NEK10: variants seen among roughly 807,000 people sequenced by gnomAD.
NEK10 encodes NIMA related kinase 10.
A neutral mutation model predicts 159.8 loss-of-function variants in NEK10; 122 were observed. That is an observed-to-expected ratio of 0.76 (90% CI 0.66 to 0.89). The LOEUF (loss-of-function observed/expected upper bound fraction) is 0.89. Among genes scored for constraint, NEK10 ranks in the 40% least tolerant of loss-of-function variants. The probability of loss-of-function intolerance (pLI) is 0.00; values close to 1 mark genes in which losing one functional copy is unlikely to be tolerated. For synonymous variants in NEK10, 466 were observed against 457.1 expected, an observed-to-expected ratio of 1.02 and a Z score of -0.25; for missense variants, 1,342 against 1,323.1, an observed-to-expected ratio of 1.01 and a Z score of -0.22.
At position 27,312,375 on chromosome 3, in the gene NEK10, G is replaced by A. The variant is rs181849768; in HGVS notation, c.490-198C>T. On this transcript the variant is annotated intron_variant, in intron 7 of 35. Transcript: ENST00000691995. ...TTCTAGATTCTTTGGCTTCTCTTGC[G>A]TGCTATGAAGTTGAGGGAAAGACCA... 5.3e-5 allele frequency among the ~76,000 whole-genome samples: 8 copies of A among 152,216 alleles called. No individual in the cohort carries two copies. The South Asian group carries it at 6.2e-4, about 12-fold the overall frequency.
At chr3:27,262,137 T>C (rs1467737409) in intron 22 of NEK10, among the ~76,000 whole-genome samples, 1 of 149,628 alleles carries the variant, frequency 6.7e-6, no homozygotes, top group Non-Finnish European at 1.5e-5. Context: ...AATTCTTTTC[T>C]TTAAGAATGT....
At chr3:27,182,916 G>A (rs1948260694) in intron 26 of NEK10, among the ~76,000 whole-genome samples, 1 of 152,172 alleles carries the variant, frequency 6.6e-6, no homozygotes, top group South Asian at 2.1e-4. Context: ...ATGGTTACCA[G>A]AGGCTGGGAA....
chr3:27,182,624 G>T (rs1948235479), intron 26 of NEK10, among the ~76,000 whole-genome samples: 1 of 152,026 alleles, frequency 6.6e-6, no homozygotes, highest in Admixed American at 6.6e-5. Context: ...AAATAAGTAT[G>T]TTGAAGAGAT....
intron 23 of NEK10, among the ~76,000 whole-genome samples, chr3:27,246,260 T>C (rs35903173): frequency 0.13 from 19,976 of 152,102 alleles, 1,533 homozygotes; most frequent in Non-Finnish European, 0.18. Flanking sequence ...CATCTGCAGG[T>C]TTGTTATATA....
intron 13 of NEK10, among the ~76,000 whole-genome samples, chr3:27,301,323 G>C (rs1227056649): frequency 2.6e-5 from 4 of 152,170 alleles, no homozygotes; most frequent in African/African-American, 9.7e-5. Context: ...TGTGTGCACT[G>C]TAGATTCCCC....
chr3:27,260,432 G>T (rs539851302), intron 22 of NEK10, among the ~76,000 whole-genome samples: 1 of 152,120 alleles, frequency 6.6e-6, no homozygotes, highest in Admixed American at 6.6e-5. Flanking sequence ...AGCATGAAGC[G>T]TTGTTGAATT....
chr3:27,259,762 A>T (rs2040231674), intron 22 of NEK10, among the ~76,000 whole-genome samples: 1 of 152,180 alleles, frequency 6.6e-6, no homozygotes, highest in African/African-American at 2.4e-5. Context: ...GAAGAAAATC[A>T]TTGGTAGCTT....
intron 1 of NEK10, among the ~76,000 whole-genome samples, chr3:27,355,763 G>A (rs562373539): frequency 9.5e-4 from 145 of 152,058 alleles, no homozygotes; most frequent in Non-Finnish European, 1.7e-3. Context: ...ACCTTCCTGT[G>A]GCCTTCTATT....
chr3:27,115,390 C>T (rs959378940), intron 35 of NEK10, among the ~76,000 whole-genome samples: 1 of 152,126 alleles, frequency 6.6e-6, no homozygotes. Flanking sequence ...TCTTAGAACA[C>T]CAACGATAGC....
chr3:27,283,444 A>G (rs1301444340), intron 22 of NEK10, among the ~76,000 whole-genome samples: 1 of 152,126 alleles, frequency 6.6e-6, no homozygotes, highest in African/African-American at 2.4e-5. Context: ...ATATATATGT[A>G]TAGAATTTAT....
chr3:27,111,172 C>T lies in NEK10; in HGVS notation c.*100G>A, dbSNP rs1939480502. ...CATGGCATCTTGGTCTTTTCCACAC[C>T]CTCTAGCAGCACCCAATCCTTGGGC... On this transcript the variant is annotated 3_prime_UTR_variant, in exon 36 of 36. Coordinates refer to ENST00000691995, the MANE Select transcript of NEK10 (RefSeq NM_001394966.1). The T allele has an allele frequency of 2.7e-5, 31 of 1,157,016 alleles. No homozygotes were observed. The highest frequency in any genetic ancestry group is 9.7e-5 in the South Asian group (7 of 72,256). 71.7% of individuals were successfully genotyped at this position (1,157,016 alleles called of 1,614,324 possible). A position where few individuals can be genotyped will look rare whatever the true frequency, so the allele number is the denominator to read the frequency against.
intron 5 of NEK10, 140 bp downstream of exon 5, chr3:27,344,132 G>A: frequency 3.8e-6 from 2 of 523,168 alleles, no homozygotes; most frequent in South Asian, 6.5e-5. Context: ...GAGATCATCT[G>A]TAATGCCTAC....
chr3:27,154,152 C>T (rs1945167055), intron 30 of NEK10, among the ~76,000 whole-genome samples: 2 of 152,118 alleles, frequency 1.3e-5, no homozygotes, highest in African/African-American at 4.8e-5. Flanking sequence ...TACAAAACAT[C>T]ATTCAGGTAA....
intron 9 of NEK10, 182 bp from the exon 10 acceptor site, chr3:27,309,187 C>T (rs563465023): frequency 2.6e-6 from 1 of 380,178 alleles, no homozygotes; most frequent in African/African-American, 2.2e-5. Context: ...TGTGCATATA[C>T]AATTAAGCAC....
chr3:27,271,102 G>A (rs1310415400), intron 22 of NEK10, among the ~76,000 whole-genome samples: 1 of 151,786 alleles, frequency 6.6e-6, no homozygotes, highest in Non-Finnish European at 1.5e-5. Flanking sequence ...ACATATATAG[G>A]CATAACTATA....
At chr3:27,314,893 A>T (rs1291162082) in intron 6 of NEK10, among the ~76,000 whole-genome samples, 7 of 152,238 alleles carry the variant, frequency 4.6e-5, no homozygotes, top group Non-Finnish European at 1.5e-5. Flanking sequence ...TCTCCAGGTC[A>T]TACGTACGTA....
rs1454336987 is a variant in NEK10, at chr3:27,304,763, G to C, written c.1012C>G (p.Leu338Val). The change falls in exon 12 of 36, where the codon CTT becomes GTT. Residue 338 changes from leucine to valine, a missense_variant. Coordinates refer to ENST00000691995, the MANE Select transcript of NEK10 (RefSeq NM_001394966.1). ...TTTACTCACCCTTGTAAAATATGAA[G>C]AAGCTGTTTGATGCCTCCCCAAATG... ...IRIWGGIKQL[L>V]HILQGDRNFV... The C allele has an allele frequency of 6.2e-7, 1 of 1,612,230 alleles. No individual in the cohort carries two copies. The highest frequency in any genetic ancestry group is 1.3e-5 in the African/African-American group (1 of 75,016).
In NEK10 at chr3:27,174,852, T is replaced by G. The variant is rs1559553793; in HGVS notation, c.2506-19A>C. 1.9e-6 allele frequency: 3 copies of G among 1,550,702 alleles called. No individual in the cohort carries two copies. Among genetic ancestry groups the G allele is most frequent in the East Asian group, 2.3e-5 (1 of 44,280 alleles). ...AGGTCTCCTGGAAAGAGAAATTCAGTTTTTCATAGCCTCTTTCTCTATCCT... is the reference window on the plus strand; with the variant it reads ...AGGTCTCCTGGAAAGAGAAATTCAGGTTTTCATAGCCTCTTTCTCTATCCT... On this transcript the variant is annotated intron_variant, in intron 26 of 35. Transcript: ENST00000691995.
intron 23 of NEK10, among the ~76,000 whole-genome samples, chr3:27,207,612 T>C (rs943616430): frequency 6.6e-6 from 1 of 152,144 alleles, no homozygotes; most frequent in Non-Finnish European, 1.5e-5. Flanking sequence ...ATTTATCCAA[T>C]AATATTTGCT....
Sources: allele counts gnomAD v4.1 joint callset (sites outside exome capture counted in the v4.1 genomes callset), GRCh38; gene constraint gnomAD v4.1.1; transcripts MANE v1.5; gene names NCBI Gene and HGNC (gene_info 2026-07-23, HGNC 2026-07-21).